Variants in MDN1 observed in about 807,000 individuals in gnomAD.
MDN1 encodes midasin.
Under a neutral mutation model 669.2 loss-of-function variants are expected in MDN1, and 266 were observed. The ratio of observed to expected loss-of-function variants is 0.40; its 90% CI spans 0.36 to 0.44. The LOEUF is 0.44. Among genes scored for constraint, MDN1 ranks in the 20% least tolerant of loss-of-function variants. The pLI is 1.00. For synonymous variants in MDN1, 2,385 were observed against 2,457.1 expected, an observed-to-expected ratio of 0.97 and a Z score of 0.87; for missense variants, 5,940 against 6,754.0, an observed-to-expected ratio of 0.88 and a Z score of 4.22.
At chr6:89,696,234 C>T in intron 60 of MDN1, 126 bp downstream of exon 60, 4 of 1,132,130 alleles carry the variant, frequency 3.5e-6, no homozygotes, top group Non-Finnish European at 5.0e-6. Flanking sequence ...CTGATTCAGG[C>T]AGAAAATACC....
intron 77 of MDN1, chr6:89,675,860 T>A (rs1373342496): frequency 3.6e-6 from 2 of 560,242 alleles, no homozygotes; most frequent in Non-Finnish European, 6.2e-6. Context: ...TTGAAGTTTT[T>A]AATTTTTCTT....
At chr6:89,736,809 G>T (rs972369378) in intron 33 of MDN1, among the ~76,000 whole-genome samples, 3 of 152,024 alleles carry the variant, frequency 2.0e-5, no homozygotes, top group Non-Finnish European at 4.4e-5. Flanking sequence ...CCCCAGAAAA[G>T]TCTGTATTAT....
intron 29 of MDN1, 139 bp downstream of exon 29, chr6:89,745,134 T>TAAAAAAAAAAAAA (rs60588845): frequency 4.4e-4 from 124 of 282,964 alleles, no homozygotes; most frequent in East Asian, 1.9e-3. Context: ...AGTCTCTTCT[T>TAAAAAAAAAAAAA]AAAAAAAAAA....
chr6:89,729,687 T>TG (rs1815462656), intron 35 of MDN1, among the ~76,000 whole-genome samples: 1 of 148,588 alleles, frequency 6.7e-6, no homozygotes, highest in Non-Finnish European at 1.5e-5. Context: ...GTTTTTTTTT[T>TG]TTTTTTTTTT....
In MDN1 at chr6:89,684,860, C is replaced by G. The variant is rs1404915829; in HGVS notation, c.11829+16G>C. 2.0e-6 allele frequency: 3 copies of G among 1,498,112 alleles called. No individual in the cohort carries two copies. The highest frequency in any genetic ancestry group is 1.4e-5 in the African/African-American group (1 of 72,462). The allele number at this position is 1,498,112 out of a possible 1,614,324, so 92.8% of individuals were successfully genotyped here. ...TTTGTCCTCCCAAGAGTGATCATGA[C>G]AGCTGTTCATCTTACTTTAAGTTCT... is the stretch of plus-strand genomic sequence containing the variant. On this transcript the variant is annotated intron_variant, in intron 71 of 101. Coordinates refer to ENST00000369393, the MANE Select transcript of MDN1 (RefSeq NM_014611.3).
At position 89,743,251 on chromosome 6, in the gene MDN1, C is replaced by T. The variant is rs372163030; in HGVS notation, c.4347G>A (p.Glu1449=). 1 of 1,614,058 alleles carries T rather than the reference C, an allele frequency of 6.2e-7. No homozygotes were observed. Among genetic ancestry groups the T allele is most frequent in the African/African-American group, 1.3e-5 (1 of 74,904 alleles). ...CCTGAACCAGAGGCCCATCATGCCACTCAAAGAGTCTTGATGTGTCAATTT... is the reference window on the plus strand; with the variant it reads ...CCTGAACCAGAGGCCCATCATGCCATTCAAAGAGTCTTGATGTGTCAATTT... ...KEEIDTSRLF[E]WHDGPLVQAM... The change falls in exon 31 of 102, where the codon GAG becomes GAA. Residue 1449 remains glutamate, a synonymous_variant. Coordinates refer to ENST00000369393, the MANE Select transcript of MDN1 (RefSeq NM_014611.3).
At position 89,793,898 on chromosome 6, in the gene MDN1, G is replaced by C. The variant is rs909979690; in HGVS notation, c.719C>G (p.Pro240Arg). Residue 240 changes from proline to arginine, a missense_variant, in exon 5 of 102, where the codon CCA becomes CGA. Pro to Arg is a moderately radical substitution (Grantham distance 103, BLOSUM62 -2). This residue lies in a region of MDN1 where 1,203 missense variants were observed against 1,268.9 expected (regional missense o/e 0.95). Transcript: ENST00000369393. ...DLEKALVLAN[P>R]EVSLWRKQKE... Reference sequence around the variant, plus strand: ...CTGCTTACGCCAAAGGGAGACTTCTGGATTGGCCAAAACCAAGGCCTTCTC... The same window carrying C: ...CTGCTTACGCCAAAGGGAGACTTCTCGATTGGCCAAAACCAAGGCCTTCTC... 1 of 1,614,082 alleles carries C rather than the reference G, an allele frequency of 6.2e-7. No individual in the cohort carries two copies. Among genetic ancestry groups the C allele is most frequent in the Non-Finnish European group, 8.5e-7 (1 of 1,179,962 alleles).
intron 72 of MDN1, among the ~76,000 whole-genome samples, chr6:89,683,597 C>T (rs1270215381): frequency 6.6e-6 from 1 of 152,100 alleles, no homozygotes; most frequent in Non-Finnish European, 1.5e-5. Context: ...TGGCAGAAGA[C>T]TTGAGACATA....
rs763753333 is a variant in MDN1, at chr6:89,643,974, T to C, written c.*31A>G. On this transcript the variant is annotated 3_prime_UTR_variant, in exon 102 of 102. Coordinates refer to ENST00000369393, the MANE Select transcript of MDN1 (RefSeq NM_014611.3). Reference sequence around the variant, plus strand: ...AAGCAATGTGACCTTCTGACCACAGTTAAGTCTCACTTTGGACTCTTCTTT... The same window carrying C: ...AAGCAATGTGACCTTCTGACCACAGCTAAGTCTCACTTTGGACTCTTCTTT... 1 of 1,552,188 alleles carries C rather than the reference T, an allele frequency of 6.4e-7. No homozygotes were observed. The highest frequency in any genetic ancestry group is 8.7e-7 in the Non-Finnish European group (1 of 1,148,222).
At chr6:89,664,383 T>G (rs993553783) in intron 85 of MDN1, 104 bp downstream of exon 85, 1 of 1,440,628 alleles carries the variant, frequency 6.9e-7, no homozygotes, top group East Asian at 2.3e-5. Flanking sequence ...GTAACCAACT[T>G]GTTTCAAAAG....
intron 30 of MDN1, 135 bp from the exon 31 acceptor site, chr6:89,743,415 T>G: frequency 7.3e-7 from 1 of 1,367,426 alleles, no homozygotes; most frequent in Non-Finnish European, 1.0e-6. Context: ...AGATAGAACT[T>G]GCACACCAGA....
In MDN1 at chr6:89,671,033, G is replaced by A. The variant is rs1810715053; in HGVS notation, c.13842C>T (p.Leu4614=). 1.9e-6 allele frequency: 3 copies of A among 1,614,126 alleles called. No individual in the cohort carries two copies. Among genetic ancestry groups the A allele is most frequent in the Non-Finnish European group, 2.5e-6 (3 of 1,180,022 alleles). Residue 4614 remains leucine, a synonymous_variant, in exon 83 of 102, where the codon CTC becomes CTT. Coordinates refer to ENST00000369393, the MANE Select transcript of MDN1 (RefSeq NM_014611.3). ...AGAGGACGAGGTCTGAGTAGCTGGA[G>A]AGGACCGGCACCAGGCGCACCAGCA... ...CSLLVRLVPV[L]SSYSDLVLFF...
intron 8 of MDN1, among the ~76,000 whole-genome samples, chr6:89,786,930 A>C (rs1419460755): frequency 6.6e-6 from 1 of 150,536 alleles, no homozygotes; most frequent in African/African-American, 2.5e-5. Flanking sequence ...ATCTCAAAAA[A>C]AAAAAAAAAA....
At chr6:89,789,753 G>C (rs1183314548) in intron 7 of MDN1, 27 bp downstream of exon 7, 2 of 1,566,388 alleles carry the variant, frequency 1.3e-6, no homozygotes, top group South Asian at 2.4e-5. Flanking sequence ...TATATTAAGG[G>C]ACAATGAATT....
At chr6:89,749,120 C>T (rs1289770808) in intron 26 of MDN1, 103 bp downstream of exon 26, 12 of 1,123,668 alleles carry the variant, frequency 1.1e-5, no homozygotes, top group Admixed American at 2.9e-5. Context: ...AAAATCTCTA[C>T]TTGGAAAAAT....
At chr6:89,679,101 T>C (rs1300292687) in intron 74 of MDN1, among the ~76,000 whole-genome samples, 1 of 152,244 alleles carries the variant, frequency 6.6e-6, no homozygotes, top group Non-Finnish European at 1.5e-5. Flanking sequence ...TAGAAATTTA[T>C]AATCACTTGA....
Position 89,643,758 on chromosome 6 carries a change from G to T in MDN1, c.*247C>A. Reference sequence around the variant, plus strand: ...CTCCTCCCAGGCCAGGGCTTCCAAGGCAGGGAAGAAGGATAACTCTTCTCT... The same window carrying T: ...CTCCTCCCAGGCCAGGGCTTCCAAGTCAGGGAAGAAGGATAACTCTTCTCT... On this transcript the variant is annotated 3_prime_UTR_variant, in exon 102 of 102. Coordinates refer to ENST00000369393, the MANE Select transcript of MDN1 (RefSeq NM_014611.3). 2.7e-6 allele frequency: 1 copy of T among 366,488 alleles called. No individual in the cohort carries two copies. The highest frequency in any genetic ancestry group is 4.9e-6 in the Non-Finnish European group (1 of 205,614). The allele number at this position is 366,488 out of a possible 1,614,324, so 22.7% of individuals were successfully genotyped here. A position where few individuals can be genotyped will look rare whatever the true frequency, so the allele number is the denominator to read the frequency against.
At chr6:89,792,852 T>C (rs1819354780) in intron 5 of MDN1, among the ~76,000 whole-genome samples, 1 of 151,828 alleles carries the variant, frequency 6.6e-6, no homozygotes, top group Non-Finnish European at 1.5e-5. Flanking sequence ...ATTCCGTCTC[T>C]ACTAAAAATA....
chr6:89,703,986 C>A (rs916068083), intron 53 of MDN1, among the ~76,000 whole-genome samples: 1 of 140,410 alleles, frequency 7.1e-6, no homozygotes, highest in East Asian at 2.1e-4. Flanking sequence ...GCACTCCAGT[C>A]TGGGCAACAA....
Sources: gnomAD v4.1 joint callset for allele counts (sites outside exome capture counted in the v4.1 genomes callset) on GRCh38, gnomAD v4.1.1 for gene constraint, gnomAD v4.1.1 regional missense constraint, MANE v1.5 for transcripts, NCBI Gene and HGNC (gene_info 2026-07-23, HGNC 2026-07-21) for gene names.